The following AGBL4 variants were observed in gnomAD, a reference collection of about 807,000 sequenced individuals.
AGBL4 encodes the protein cytosolic carboxypeptidase 6.
A neutral mutation model predicts 66.4 loss-of-function variants in AGBL4; 58 were observed. That is an observed-to-expected ratio of 0.87 (90% CI 0.71 to 1.09). The LOEUF (loss-of-function observed/expected upper bound fraction) is 1.09, where lower values mean the gene tolerates loss of function less well. Among genes scored for constraint, AGBL4 ranks in the 50% least tolerant of loss-of-function variants. The pLI is 0.00. For missense variants in AGBL4, 579 were observed against 631.0 expected, an observed-to-expected ratio of 0.92 and a Z score of 0.88; for synonymous variants, 234 against 222.9, an observed-to-expected ratio of 1.05 and a Z score of -0.44.
At chr1:49,058,839 T>C (rs866377554) in intron 4 of AGBL4, among the ~76,000 whole-genome samples, 9 of 152,316 alleles carry the variant, frequency 5.9e-5, no homozygotes, top group Non-Finnish European at 7.4e-5. Context: ...ACTCTTGTTA[T>C]GCAAAGAGAC....
chr1:49,281,374 G>T (rs1353089266), intron 3 of AGBL4, among the ~76,000 whole-genome samples: 1 of 152,170 alleles, frequency 6.6e-6, no homozygotes, highest in Non-Finnish European at 1.5e-5. Flanking sequence ...GGGGGTTTAT[G>T]GTGGTTAGGA....
At chr1:48,571,152 T>C (rs183778401) in intron 11 of AGBL4, among the ~76,000 whole-genome samples, 1 of 152,334 alleles carries the variant, frequency 6.6e-6, no homozygotes, top group East Asian at 1.9e-4. Context: ...ATTACTTGTA[T>C]TCAACAGATA....
intron 3 of AGBL4, among the ~76,000 whole-genome samples, chr1:49,591,373 A>G (rs1438360466): frequency 6.6e-6 from 1 of 152,128 alleles, no homozygotes; most frequent in Non-Finnish European, 1.5e-5. Context: ...TGTAAGTGAT[A>G]TTATAAATAA....
rs904193681 is a variant in AGBL4, at chr1:48,760,740, G to A, written c.635-97499C>T. On this transcript the variant is annotated intron_variant, in intron 6 of 13. Transcript: ENST00000371839. ...GCAGAAGACATCCCACTTCCTTATC[G>A]TCCTTCTCCCTTCCTCTCAGGTATC... Among the ~76,000 whole-genome samples the A allele has an allele frequency of 3.0e-4, 45 of 152,194 alleles. 1 individual carries two copies. The highest frequency in any genetic ancestry group is 3.4e-3 in the Middle Eastern group (1 of 294).
intron 3 of AGBL4, among the ~76,000 whole-genome samples, chr1:49,403,581 T>C (rs1645133266): frequency 6.6e-6 from 1 of 152,224 alleles, no homozygotes; most frequent in African/African-American, 2.4e-5. Flanking sequence ...TTCTCCAGGA[T>C]TTGTCCACAG....
intron 3 of AGBL4, among the ~76,000 whole-genome samples, chr1:49,337,175 A>T (rs1451626281): frequency 6.6e-6 from 1 of 152,174 alleles, no homozygotes. Flanking sequence ...GCACCTAAAC[A>T]TGGTTATCTT....
intron 2 of AGBL4, chr1:49,842,309 C>A: frequency 2.0e-6 from 1 of 499,470 alleles, no homozygotes; most frequent in Non-Finnish European, 3.6e-6. Flanking sequence ...GTTACCAAAG[C>A]CAAACATCAC....
intron 5 of AGBL4, among the ~76,000 whole-genome samples, chr1:48,983,639 G>A (rs1444397237): frequency 1.3e-5 from 2 of 152,164 alleles, no homozygotes; most frequent in African/African-American, 4.8e-5. Context: ...CATTCAATCA[G>A]AGAGCAAATG....
intron 3 of AGBL4, among the ~76,000 whole-genome samples, chr1:49,611,620 G>A (rs538545739): frequency 8.5e-4 from 129 of 151,968 alleles, no homozygotes; most frequent in African/African-American, 2.9e-3. Context: ...CTCGTGATCC[G>A]CCTGCCTCGG....
chr1:49,246,582 C>G (rs1227588253), intron 3 of AGBL4, among the ~76,000 whole-genome samples: 1 of 151,798 alleles, frequency 6.6e-6, no homozygotes, highest in Non-Finnish European at 1.5e-5. Context: ...TGGGTCTTAT[C>G]TTTAAAATGA....
At chr1:48,698,077 T>C (rs532707781) in intron 6 of AGBL4, among the ~76,000 whole-genome samples, 1 of 152,284 alleles carries the variant, frequency 6.6e-6, no homozygotes, top group South Asian at 2.1e-4. Context: ...GGCTCTGGAC[T>C]GTGTTCTCCC....
intron 3 of AGBL4, among the ~76,000 whole-genome samples, chr1:49,441,377 A>T (rs986298200): frequency 1.2e-4 from 19 of 152,160 alleles, no homozygotes; most frequent in African/African-American, 3.6e-4. Context: ...TCCAGGAATT[A>T]AAAAAGGCTC....
At chr1:49,283,076 A>G (rs1235789382) in intron 3 of AGBL4, among the ~76,000 whole-genome samples, 1 of 152,222 alleles carries the variant, frequency 6.6e-6, no homozygotes, top group Non-Finnish European at 1.5e-5. Flanking sequence ...CAGGGCACAG[A>G]CAAACAAAAA....
intron 3 of AGBL4, among the ~76,000 whole-genome samples, chr1:49,480,129 T>C (rs1255614630): frequency 6.6e-6 from 1 of 152,064 alleles, no homozygotes; most frequent in Non-Finnish European, 1.5e-5. Flanking sequence ...AAAATTACAA[T>C]TTATATTCCT....
chr1:49,024,985 C>CG (rs1014122676), intron 5 of AGBL4, among the ~76,000 whole-genome samples: 27 of 152,106 alleles, frequency 1.8e-4, no homozygotes, highest in African/African-American at 6.5e-4. Context: ...GGATATCTAT[C>CG]GGGGTAGAGG....
Position 50,016,921 on chromosome 1 carries a change from C to T in AGBL4, c.34+6842G>A, listed in dbSNP as rs111936807. ...AACTTAGAACTACCATTTGATCTAG[C>T]AATCCCACTACTGAGTATATACCCA... On this transcript the variant is annotated intron_variant, in intron 1 of 13. Coordinates refer to ENST00000371839, the MANE Select transcript of AGBL4 (RefSeq NM_032785.4). 7.2e-5 allele frequency among the ~76,000 whole-genome samples: 11 copies of T among 152,264 alleles called. 1 individual carries two copies. Among genetic ancestry groups the T allele is most frequent in the African/African-American group, 2.6e-4 (11 of 41,568 alleles).
At chr1:48,841,708 G>A (rs1646807542) in intron 6 of AGBL4, among the ~76,000 whole-genome samples, 1 of 152,076 alleles carries the variant, frequency 6.6e-6, no homozygotes, top group South Asian at 2.1e-4. Flanking sequence ...TACAGATGTT[G>A]CAGTGAGAAT....
chr1:49,441,620 C>T (rs1045023095), intron 3 of AGBL4, among the ~76,000 whole-genome samples: 6 of 152,114 alleles, frequency 3.9e-5, no homozygotes, highest in Non-Finnish European at 8.8e-5. Flanking sequence ...GAGGGCAGCA[C>T]CTGCATCTTT....
intron 3 of AGBL4, among the ~76,000 whole-genome samples, chr1:49,331,487 G>C (rs2148491562): frequency 6.6e-6 from 1 of 152,194 alleles, no homozygotes; most frequent in South Asian, 2.1e-4. Flanking sequence ...AAATAGTACA[G>C]AAGAAAAAGG....
Sources: allele counts gnomAD v4.1 joint callset (sites outside exome capture counted in the v4.1 genomes callset), GRCh38; gene constraint gnomAD v4.1.1; transcripts MANE v1.5; gene names NCBI Gene and HGNC (gene_info 2026-07-23, HGNC 2026-07-21).